The following ADORA2B variants were observed in gnomAD, a reference collection of about 807,000 sequenced individuals.
ADORA2B encodes the protein adenosine receptor A2b.
In ADORA2B, 18 loss-of-function variants were observed where a neutral mutation model predicts 20.8. That is an observed-to-expected ratio of 0.87 (90% CI 0.60 to 1.29). ADORA2B has a LOEUF of 1.29. Ranked by LOEUF, ADORA2B falls within the 50% of genes most tolerant of loss-of-function variation. The pLI is 0.00. For synonymous variants in ADORA2B, 179 were observed against 178.3 expected (o/e 1.00, Z -0.03); for missense variants, 441 against 422.7 (o/e 1.04, Z -0.38).
rs1288800461 is a variant in ADORA2B at position 15,969,182 on chromosome 17, G to A, written c.336-5497G>A. On this transcript the variant is annotated intron_variant, in intron 1 of 1. Coordinates refer to ENST00000304222, the MANE Select transcript of ADORA2B (RefSeq NM_000676.4). ...ATCTGTCCCTTTGGCCGGGCGTGGA[G>A]GCTCACGCCTGTAATCCCAGCACTG... 2.6e-5 allele frequency among the ~76,000 whole-genome samples: 4 copies of A among 152,182 alleles called. No individual in the cohort carries two copies. The East Asian group carries it at 7.7e-4, about 29-fold the overall frequency.
the ADORA2B span, among the ~76,000 whole-genome samples, chr17:15,914,003 CAG>C: frequency 1.3e-5 from 2 of 152,204 alleles, no homozygotes; most frequent in African/African-American, 4.8e-5. Context: ...TCGATCTTCT[CAG>C]GGGCAGGAGG....
chr17:15,946,534 A>C (rs1344069985), intron 1 of ADORA2B, among the ~76,000 whole-genome samples: 1 of 152,214 alleles, frequency 6.6e-6, no homozygotes, highest in Non-Finnish European at 1.5e-5. Context: ...AGATCTCTTT[A>C]AATTTGGAGC....
chr17:15,910,823 G>A, the ADORA2B span, among the ~76,000 whole-genome samples: 1 of 152,160 alleles, frequency 6.6e-6, no homozygotes, highest in Non-Finnish European at 1.5e-5. Context: ...TGCAGAGGTG[G>A]CATCTGGGCT....
At chr17:15,891,928 A>G in the ADORA2B span, among the ~76,000 whole-genome samples, 17 of 147,004 alleles carry the variant, frequency 1.2e-4, no homozygotes, top group African/African-American at 3.3e-4. Context: ...GCTCACTGCA[A>G]CCTCCACCTG....
the ADORA2B span, chr17:15,908,724 C>T: frequency 6.5e-6 from 1 of 153,796 alleles, no homozygotes; most frequent in Non-Finnish European, 1.5e-5. Context: ...CTCTGCCCAT[C>T]ACCCAGCTAG....
At chr17:15,873,658 A>G in the ADORA2B span, among the ~76,000 whole-genome samples, 3 of 152,336 alleles carry the variant, frequency 2.0e-5, no homozygotes, top group South Asian at 6.2e-4. Context: ...AACATCGCTA[A>G]TCATTAGGGA....
At chr17:15,946,237 T>G (rs1224492288) in intron 1 of ADORA2B, among the ~76,000 whole-genome samples, 4 of 152,236 alleles carry the variant, frequency 2.6e-5, no homozygotes, top group Admixed American at 6.5e-5. Context: ...GTTACAATGC[T>G]TCCTCGTGTC....
chr17:15,961,996 G>A (rs901054001), intron 1 of ADORA2B, among the ~76,000 whole-genome samples: 4 of 152,100 alleles, frequency 2.6e-5, no homozygotes, highest in Non-Finnish European at 4.4e-5. Flanking sequence ...CAGCAACCAC[G>A]GTGATTATAA....
At chr17:15,923,407 A>ATTTT in the ADORA2B span, among the ~76,000 whole-genome samples, 1 of 120,212 alleles carries the variant, frequency 8.3e-6, no homozygotes, top group African/African-American at 3.6e-5. Flanking sequence ...ATATATATAT[A>ATTTT]TTTTTTTTTT....
At chr17:15,961,919 C>T (rs953730165) in intron 1 of ADORA2B, among the ~76,000 whole-genome samples, 4 of 152,212 alleles carry the variant, frequency 2.6e-5, no homozygotes, top group African/African-American at 7.2e-5. Flanking sequence ...AAGGTCACAC[C>T]TCTCAGCACT....
the ADORA2B span, among the ~76,000 whole-genome samples, chr17:15,934,147 G>A: frequency 6.6e-6 from 1 of 152,070 alleles, no homozygotes; most frequent in Non-Finnish European, 1.5e-5. Context: ...TTAATAACAT[G>A]TATTACATAA....
the ADORA2B span, among the ~76,000 whole-genome samples, chr17:15,875,111 A>G: frequency 6.6e-6 from 1 of 151,972 alleles, no homozygotes; most frequent in African/African-American, 2.4e-5. Flanking sequence ...TTTTTTCCTC[A>G]AAATTTGTAA....
chr17:15,901,911 G>C, the ADORA2B span, among the ~76,000 whole-genome samples: 2 of 152,084 alleles, frequency 1.3e-5, no homozygotes, highest in African/African-American at 4.8e-5. Flanking sequence ...TTAATTTTTA[G>C]TTTACAGTTC....
chr17:15,871,916 AT>A, the ADORA2B span, among the ~76,000 whole-genome samples: 1 of 152,120 alleles, frequency 6.6e-6, no homozygotes, highest in Non-Finnish European at 1.5e-5. Context: ...CCCTCTGATC[AT>A]TGAACATGGG....
chr17:15,852,791 G>A, the ADORA2B span, among the ~76,000 whole-genome samples: 1,601 of 152,208 alleles, frequency 0.011, 34 homozygotes, highest in African/African-American at 0.036. Context: ...CTAAAGACAA[G>A]TTGATAGAAA....
the ADORA2B span, among the ~76,000 whole-genome samples, chr17:15,869,781 G>A: frequency 2.6e-5 from 4 of 152,130 alleles, no homozygotes; most frequent in Non-Finnish European, 4.4e-5. Flanking sequence ...ACATAAAAGA[G>A]TGATAAAAAC....
chr17:15,887,882 C>T, the ADORA2B span, among the ~76,000 whole-genome samples: 8 of 99,764 alleles, frequency 8.0e-5, 1 homozygote, highest in South Asian at 1.3e-3. Flanking sequence ...ACCCGGGAGG[C>T]GGAGCTTGCA....
the ADORA2B span, among the ~76,000 whole-genome samples, chr17:15,915,171 C>T: frequency 6.6e-6 from 1 of 152,190 alleles, no homozygotes; most frequent in Non-Finnish European, 1.5e-5. Flanking sequence ...CAGGGGCCTC[C>T]TGCATTCCTT....
At chr17:15,929,130 G>A in the ADORA2B span, among the ~76,000 whole-genome samples, 5 of 152,256 alleles carry the variant, frequency 3.3e-5, no homozygotes, top group Admixed American at 2.6e-4. Context: ...AGGGACATCC[G>A]AGAAGAGGCT....
Sources: gnomAD v4.1 joint callset for allele counts (sites outside exome capture counted in the v4.1 genomes callset) on GRCh38, gnomAD v4.1.1 for gene constraint, MANE v1.5 for transcripts, NCBI Gene and HGNC (gene_info 2026-07-23, HGNC 2026-07-21) for gene names.